ADAMTSL1: variants seen among roughly 807,000 people sequenced by gnomAD.
ADAMTSL1 encodes ADAMTS like 1.
Under a neutral mutation model 201.8 loss-of-function variants are expected in ADAMTSL1, and 126 were observed. The ratio of observed to expected loss-of-function variants is 0.62; its 90% CI spans 0.54 to 0.72. The LOEUF is 0.72. ADAMTSL1 is among the 30% of genes least tolerant of loss of function. The probability of loss-of-function intolerance (pLI) is 0.00; values close to 1 mark genes in which losing one functional copy is unlikely to be tolerated. For synonymous variants in ADAMTSL1, 1,121 were observed against 903.4 expected (o/e 1.24, Z -4.32); for missense variants, 2,679 against 2,277.8 (o/e 1.18, Z -3.59).
At chr9:17,980,951 C>T (rs1434247895) in intron 1 of ADAMTSL1, among the ~76,000 whole-genome samples, 2 of 152,102 alleles carry the variant, frequency 1.3e-5, no homozygotes. Context: ...GGAAGTGCTG[C>T]ACTCTTGACA....
At chr9:18,699,805 G>T (rs1430336445) in intron 13 of ADAMTSL1, among the ~76,000 whole-genome samples, 1 of 152,026 alleles carries the variant, frequency 6.6e-6, no homozygotes, top group Non-Finnish European at 1.5e-5. Flanking sequence ...TTCTCCTGGG[G>T]CACCTTACAG....
chr9:18,705,311 A>G (rs1030671511), intron 13 of ADAMTSL1, among the ~76,000 whole-genome samples: 7 of 152,194 alleles, frequency 4.6e-5, no homozygotes, highest in Non-Finnish European at 8.8e-5. Flanking sequence ...AATGAAAAAT[A>G]AAAAATAAAA....
Position 18,892,381 on chromosome 9 carries a change from C to A in ADAMTSL1, c.4644-8C>A. 6.2e-7 allele frequency: 1 copy of A among 1,609,664 alleles called. No homozygotes were observed. Among genetic ancestry groups the A allele is most frequent in the Non-Finnish European group, 8.5e-7 (1 of 1,178,434 alleles). On this transcript the variant is annotated splice_region_variant and splice_polypyrimidine_tract_variant and intron_variant, in intron 25 of 28. Transcript: ENST00000380548. The stretch of plus-strand genomic sequence containing the variant: ...TAGGGCTCTCCTGACACTTCTTCCT[C>A]TCCCCAGGTGGATGGTGACCTCCTG...
At chr9:18,860,127 A>T (rs1827117855) in intron 23 of ADAMTSL1, among the ~76,000 whole-genome samples, 1 of 152,226 alleles carries the variant, frequency 6.6e-6, no homozygotes, top group Non-Finnish European at 1.5e-5. Context: ...TCTATAATGA[A>T]CATGCATTGG....
intron 1 of ADAMTSL1, among the ~76,000 whole-genome samples, chr9:17,968,439 G>C (rs1327080179): frequency 6.6e-6 from 1 of 152,098 alleles, no homozygotes; most frequent in Non-Finnish European, 1.5e-5. Context: ...CAATTATCTG[G>C]TTAGTTCAGA....
At chr9:18,309,869 C>T (rs563554033) in intron 2 of ADAMTSL1, among the ~76,000 whole-genome samples, 54 of 151,688 alleles carry the variant, frequency 3.6e-4, no homozygotes, top group African/African-American at 1.3e-3. Context: ...AAAAAGAGCC[C>T]ATATAGCCAA....
chr9:17,993,815 A>G (rs1014044247), intron 1 of ADAMTSL1, among the ~76,000 whole-genome samples: 3 of 152,078 alleles, frequency 2.0e-5, no homozygotes, highest in Admixed American at 6.6e-5. Context: ...CCCTAGCTTC[A>G]TGATTAAAAC....
intron 2 of ADAMTSL1, among the ~76,000 whole-genome samples, chr9:18,320,963 T>C (rs1440604378): frequency 1.3e-5 from 2 of 151,920 alleles, no homozygotes; most frequent in African/African-American, 2.4e-5. Context: ...AACAAAATAA[T>C]AGATATAAAT....
At chr9:18,298,564 T>A (rs1459006009) in intron 2 of ADAMTSL1, among the ~76,000 whole-genome samples, 1 of 152,052 alleles carries the variant, frequency 6.6e-6, no homozygotes, top group Admixed American at 6.5e-5. Context: ...CGTGTGTTAT[T>A]CAGTGCTTAT....
rs1563859000 is a variant in ADAMTSL1, at chr9:18,286,562, GC to G, written c.207+122582del. ...ATAGTAGATACTTTGTGTTTCTATA[GC>G]AGTTTATGGTTTTCAGATATAATCA... On this transcript the variant is annotated intron_variant, in intron 2 of 29. Transcript: ENST00000680146. 2.3e-4 allele frequency among the ~76,000 whole-genome samples: 29 copies of G among 126,732 alleles called. 9 individuals are homozygous for G. Among genetic ancestry groups the G allele is most frequent in the East Asian group, 1.1e-3 (4 of 3,722 alleles). 83.1% of individuals were successfully genotyped at this position (126,732 alleles called of 152,430 possible).
intron 1 of ADAMTSL1, among the ~76,000 whole-genome samples, chr9:17,993,453 T>A (rs1219420505): frequency 1.1e-5 from 1 of 88,642 alleles, no homozygotes; most frequent in Non-Finnish European, 2.2e-5. Flanking sequence ...TAAGAGCCTG[T>A]CGTAGTTTAC....
chr9:18,717,837 A>G (rs1833050932), intron 14 of ADAMTSL1: 2 of 684,220 alleles, frequency 2.9e-6, no homozygotes, highest in East Asian at 2.5e-5. Context: ...AGTAGCTTTC[A>G]TATGCTCTTA....
In ADAMTSL1 at chr9:18,343,422, A is replaced by G. The variant is rs551977024; in HGVS notation, c.208-161407A>G. Reference sequence around the variant, plus strand: ...ATGATCTGGACCCCACCAGTGATCAATGAAGTGAGTATCAGTTACAAGCAC... The same window carrying G: ...ATGATCTGGACCCCACCAGTGATCAGTGAAGTGAGTATCAGTTACAAGCAC... On this transcript the variant is annotated intron_variant, in intron 2 of 29. Transcript: ENST00000680146. Among the ~76,000 whole-genome samples, 37 of 152,238 alleles carry G rather than the reference A, an allele frequency of 2.4e-4. No individual in the cohort carries two copies. The South Asian group carries it at 3.5e-3, about 14-fold the overall frequency.
chr9:18,196,323 G>T (rs1304972931), intron 2 of ADAMTSL1, among the ~76,000 whole-genome samples: 1 of 152,112 alleles, frequency 6.6e-6, no homozygotes, highest in East Asian at 1.9e-4. Flanking sequence ...GTGTGTGTGT[G>T]TGTGTTTATT....
Position 18,706,747 on chromosome 9 carries a change from G to A in ADAMTSL1, c.1575G>A (p.Ser525=), listed in dbSNP as rs1304304261. 1 of 1,596,712 alleles carries A rather than the reference G, an allele frequency of 6.3e-7. No individual in the cohort carries two copies. The highest frequency in any genetic ancestry group is 8.5e-7 in the Non-Finnish European group (1 of 1,170,884). ...CCTCTTGTTTGCTTGCCGACTGCAG[G>A]TTCATCCCAGAGGCCTGGTCGGCCT... The part of the protein sequence containing the change: ...EEGAAVSEEP[S]FIPEAWSACT... The change falls in exon 14 of 29, where the codon TCG becomes TCA. Residue 525 remains serine (S), a splice_region_variant and synonymous_variant. Coordinates refer to ENST00000380548, the MANE Select transcript of ADAMTSL1 (RefSeq NM_001040272.6).
At chr9:18,402,403 A>G (rs1015063752) in intron 2 of ADAMTSL1, among the ~76,000 whole-genome samples, 1 of 152,178 alleles carries the variant, frequency 6.6e-6, no homozygotes, top group African/African-American at 2.4e-5. Flanking sequence ...TGATGAATTA[A>G]AGCATCAGCC....
intron 2 of ADAMTSL1, among the ~76,000 whole-genome samples, chr9:18,169,983 C>G (rs1352015218): frequency 6.6e-6 from 1 of 151,892 alleles, no homozygotes; most frequent in East Asian, 1.9e-4. Flanking sequence ...TACAGGGAGA[C>G]AAGAAGCATA....
intron 23 of ADAMTSL1, 141 bp downstream of exon 23, chr9:18,830,118 C>G (rs1441108281): frequency 8.4e-7 from 1 of 1,189,224 alleles, no homozygotes; most frequent in African/African-American, 1.5e-5. Flanking sequence ...AGAATCCAGA[C>G]TCACCAGTGG....
intron 2 of ADAMTSL1, among the ~76,000 whole-genome samples, chr9:18,408,445 T>C (rs1287208278): frequency 6.6e-6 from 1 of 152,006 alleles, no homozygotes; most frequent in East Asian, 1.9e-4. Context: ...CACTCCAGCC[T>C]GGGTGATAGA....
Sources: gnomAD v4.1 joint callset for allele counts (sites outside exome capture counted in the v4.1 genomes callset) on GRCh38, gnomAD v4.1.1 for gene constraint, MANE v1.5 for transcripts, NCBI Gene and HGNC (gene_info 2026-07-23, HGNC 2026-07-21) for gene names.